The following ADAMTS9 variants were observed in gnomAD, a reference collection of about 807,000 sequenced individuals.
ADAMTS9 encodes the protein A disintegrin and metalloproteinase with thrombospondin motifs 9.
ADAMTS9 carries 107 observed loss-of-function variants against 257.1 expected under a neutral mutation model. That is an observed-to-expected ratio of 0.42 (90% CI 0.36 to 0.49). The LOEUF is 0.49. ADAMTS9 is among the 20% of genes least tolerant of loss of function. The pLI is 0.03. For missense variants in ADAMTS9, 2,353 were observed against 2,469.1 expected (o/e 0.95, Z 1.00); for synonymous variants, 982 against 880.9 (o/e 1.11, Z -2.03).
intron 16 of ADAMTS9, among the ~76,000 whole-genome samples, chr3:64,626,739 C>T (rs991024395): frequency 2.0e-5 from 3 of 152,292 alleles, no homozygotes; most frequent in African/African-American, 7.2e-5. Flanking sequence ...AAGATCCCAA[C>T]CCATAGTAGG....
chr3:64,615,207 G>C, intron 21 of ADAMTS9, 114 bp downstream of exon 21: 3 of 1,239,592 alleles, frequency 2.4e-6, no homozygotes, highest in Non-Finnish European at 3.4e-6. Flanking sequence ...GGAGACAAGG[G>C]AGAAAGGGAG....
chr3:64,566,042 G>A (rs904114000), intron 29 of ADAMTS9, among the ~76,000 whole-genome samples: 1 of 152,134 alleles, frequency 6.6e-6, no homozygotes, highest in African/African-American at 2.4e-5. Context: ...GATGTGATGA[G>A]AAATTAAACC....
chr3:64,542,836 T>C (rs60415907), intron 32 of ADAMTS9, among the ~76,000 whole-genome samples: 27,817 of 151,876 alleles, frequency 0.18, 3,198 homozygotes, highest in African/African-American at 0.31. Context: ...AGCCGGTTTT[T>C]TGAAAAGATC....
chr3:64,623,523 G>A (rs4293698), intron 16 of ADAMTS9, among the ~76,000 whole-genome samples: 47,397 of 152,068 alleles, frequency 0.31, 10,712 homozygotes, highest in African/African-American at 0.62. Context: ...AGAAACACCC[G>A]TATATGCTGC....
At chr3:64,607,333 C>T (rs1393486010) in intron 22 of ADAMTS9, among the ~76,000 whole-genome samples, 1 of 152,190 alleles carries the variant, frequency 6.6e-6, no homozygotes, top group Non-Finnish European at 1.5e-5. Context: ...TAACTGTGAA[C>T]TCCTAGAAGG....
intron 3 of ADAMTS9, among the ~76,000 whole-genome samples, chr3:64,664,274 T>C (rs1450266338): frequency 1.3e-5 from 2 of 152,190 alleles, no homozygotes; most frequent in Non-Finnish European, 2.9e-5. Context: ...TTTTTAATAT[T>C]AGTTTGGTAA....
intron 30 of ADAMTS9, among the ~76,000 whole-genome samples, chr3:64,554,963 C>G (rs1454190852): frequency 1.3e-5 from 2 of 152,214 alleles, no homozygotes; most frequent in Non-Finnish European, 2.9e-5. Flanking sequence ...AATCAAGTTG[C>G]TTTACACTTT....
intron 28 of ADAMTS9, 87 bp from the exon 29 acceptor site, chr3:64,568,622 A>T: frequency 3.4e-6 from 5 of 1,461,130 alleles, no homozygotes; most frequent in Non-Finnish European, 4.7e-6. Flanking sequence ...ATGTTAAGAC[A>T]ATGCCTAACA....
At chr3:64,646,306 T>C (rs1700785956) in intron 11 of ADAMTS9, among the ~76,000 whole-genome samples, 2 of 152,220 alleles carry the variant, frequency 1.3e-5, no homozygotes, top group East Asian at 1.9e-4. Context: ...TCTTTGTGTT[T>C]AGAAGGACTC....
At chr3:64,667,130 G>A (rs1312738242) in intron 3 of ADAMTS9, among the ~76,000 whole-genome samples, 1 of 152,138 alleles carries the variant, frequency 6.6e-6, no homozygotes, top group Admixed American at 6.5e-5. Flanking sequence ...AAGAGATTGT[G>A]GCTAAGACTC....
At chr3:64,647,335 A>G (rs963552491) in intron 11 of ADAMTS9, among the ~76,000 whole-genome samples, 1 of 152,202 alleles carries the variant, frequency 6.6e-6, no homozygotes, top group Non-Finnish European at 1.5e-5. Flanking sequence ...TCATACTCCT[A>G]GGTGCATGAG....
At chr3:64,637,579 G>A (rs1211576855) in intron 12 of ADAMTS9, among the ~76,000 whole-genome samples, 1 of 152,204 alleles carries the variant, frequency 6.6e-6, no homozygotes, top group Non-Finnish European at 1.5e-5. Context: ...TATCCTCAAG[G>A]AAAGCTAAAC....
intron 3 of ADAMTS9, among the ~76,000 whole-genome samples, chr3:64,673,922 T>A (rs1439917615): frequency 6.6e-6 from 1 of 152,060 alleles, no homozygotes; most frequent in Non-Finnish European, 1.5e-5. Flanking sequence ...GCTTTATGTA[T>A]GCTTGAAGAT....
chr3:64,614,862 A>AT (rs955395148), intron 21 of ADAMTS9: 10 of 136,306 alleles, frequency 7.3e-5, no homozygotes, highest in Admixed American at 2.2e-4. Flanking sequence ...TCCGAGTTTT[A>AT]TTTTTTTTTC....
chr3:64,681,643 A>C (rs1701758622), intron 2 of ADAMTS9, among the ~76,000 whole-genome samples: 1 of 152,146 alleles, frequency 6.6e-6, no homozygotes, highest in Non-Finnish European at 1.5e-5. Context: ...TCCTGGGCTC[A>C]AGCAAACCCC....
intron 15 of ADAMTS9, 86 bp from the exon 16 acceptor site, chr3:64,631,636 T>A: frequency 7.8e-7 from 1 of 1,284,652 alleles, no homozygotes; most frequent in South Asian, 1.2e-5. Flanking sequence ...AACAAAGGAA[T>A]AGAATATAAT....
chr3:64,559,320 C>T (rs1016847765), intron 30 of ADAMTS9, among the ~76,000 whole-genome samples: 2 of 152,116 alleles, frequency 1.3e-5, no homozygotes, highest in African/African-American at 4.8e-5. Context: ...CCTCCAGCTG[C>T]CCTGGGCCTC....
Position 64,602,147 on chromosome 3 carries a change from C to T in ADAMTS9, c.3814G>A (p.Val1272Met), listed in dbSNP as rs1478846671. 6.8e-6 allele frequency: 11 copies of T among 1,614,004 alleles called. No individual in the cohort carries two copies. The highest frequency in any genetic ancestry group is 4.0e-5 in the African/African-American group (3 of 74,918). The change falls in exon 26 of 40, where the codon GTG (valine) becomes ATG (methionine). Residue 1272 changes from valine to methionine, a missense_variant. Coordinates refer to ENST00000498707, the MANE Select transcript of ADAMTS9 (RefSeq NM_182920.2). ...QVMCVNYSDH[V>M]IDRSECDQDY... Reference sequence around the variant, plus strand: ...TGGTCACACTCACTCCGATCGATCACGTGGTCACTGTAGTTGACACACATC... The same window carrying T: ...TGGTCACACTCACTCCGATCGATCATGTGGTCACTGTAGTTGACACACATC...
intron 32 of ADAMTS9, among the ~76,000 whole-genome samples, chr3:64,542,742 A>G (rs185514003): frequency 7.6e-4 from 116 of 152,338 alleles, no homozygotes; most frequent in Middle Eastern, 3.4e-3. Context: ...AAAAGCTAGC[A>G]GAAGGCAAGA....
Sources: gnomAD v4.1 joint callset for allele counts (sites outside exome capture counted in the v4.1 genomes callset) on GRCh38, gnomAD v4.1.1 for gene constraint, MANE v1.5 for transcripts, NCBI Gene and HGNC (gene_info 2026-07-23, HGNC 2026-07-21) for gene names.